The following GALNTL6 variants were observed in gnomAD, a reference collection of about 807,000 sequenced individuals.
The protein encoded by GALNTL6 is polypeptide N-acetylgalactosaminyltransferase-like 6.
A neutral mutation model predicts 73.7 loss-of-function variants in GALNTL6; 46 were observed. The ratio of observed to expected loss-of-function variants is 0.62; its 90% confidence interval spans 0.49 to 0.80. The LOEUF (loss-of-function observed/expected upper bound fraction) is 0.80. Among genes scored for constraint, GALNTL6 ranks in the 30% least tolerant of loss-of-function variants. The pLI is 0.00. For synonymous variants in GALNTL6, 259 were observed against 263.7 expected (o/e 0.98, Z 0.17); for missense variants, 604 against 755.0 (o/e 0.80, Z 2.34).
chr4:171,826,709 GTCT>G (rs1469744549), intron 2 of GALNTL6, among the ~76,000 whole-genome samples: 2 of 152,092 alleles, frequency 1.3e-5, no homozygotes, highest in Admixed American at 6.6e-5. Context: ...ACGGAAAACG[GTCT>G]TCTTCATCTG....
chr4:172,305,905 TGTAC>T (rs1740115959), intron 3 of GALNTL6, among the ~76,000 whole-genome samples: 3 of 152,190 alleles, frequency 2.0e-5, no homozygotes, highest in Non-Finnish European at 4.4e-5. Context: ...ACCAAATTGA[TGTAC>T]AAATAAAATA....
intron 5 of GALNTL6, among the ~76,000 whole-genome samples, chr4:172,421,072 A>G (rs912633179): frequency 6.6e-6 from 1 of 152,068 alleles, no homozygotes; most frequent in African/African-American, 2.4e-5. Flanking sequence ...TAAAACCTAG[A>G]TGATGGTTTG....
chr4:172,744,055 G>A (rs10016257), intron 5 of GALNTL6, among the ~76,000 whole-genome samples: 54,503 of 151,932 alleles, frequency 0.36, 10,822 homozygotes, highest in African/African-American at 0.52. Context: ...AGCCCTTCCT[G>A]TAATCATGAT....
chr4:172,546,519 C>T (rs990085715), intron 5 of GALNTL6, among the ~76,000 whole-genome samples: 2 of 150,918 alleles, frequency 1.3e-5, no homozygotes, highest in African/African-American at 4.9e-5. Context: ...ACTGCTATAC[C>T]TGCAAAAATC....
At chr4:172,110,687 G>A (rs1220191965) in intron 2 of GALNTL6, among the ~76,000 whole-genome samples, 1 of 152,078 alleles carries the variant, frequency 6.6e-6, no homozygotes, top group African/African-American at 2.4e-5. Flanking sequence ...TGCTTTCTAT[G>A]CCGAATTCCA....
At chr4:172,197,381 G>T (rs1735808295) in intron 2 of GALNTL6, among the ~76,000 whole-genome samples, 1 of 152,128 alleles carries the variant, frequency 6.6e-6, no homozygotes, top group East Asian at 1.9e-4. Context: ...GTAATTCATA[G>T]ATTCAATGCT....
intron 5 of GALNTL6, among the ~76,000 whole-genome samples, chr4:172,559,958 A>C (rs1424385912): frequency 6.6e-6 from 1 of 152,204 alleles, no homozygotes; most frequent in Non-Finnish European, 1.5e-5. Context: ...CAAACATGAT[A>C]AAATATAAGA....
chr4:172,217,206 A>G (rs1579266372), intron 2 of GALNTL6, among the ~76,000 whole-genome samples: 1 of 152,192 alleles, frequency 6.6e-6, no homozygotes. Context: ...AGCAATGTTA[A>G]TAGAGACTCT....
intron 10 of GALNTL6, among the ~76,000 whole-genome samples, chr4:172,963,180 A>C (rs140708517): frequency 6.6e-6 from 1 of 152,140 alleles, no homozygotes; most frequent in African/African-American, 2.4e-5. Context: ...GCACCTTTGC[A>C]TTTACTATTC....
intron 5 of GALNTL6, among the ~76,000 whole-genome samples, chr4:172,378,158 A>G (rs1011065721): frequency 6.6e-6 from 1 of 152,216 alleles, no homozygotes; most frequent in Admixed American, 6.5e-5. Context: ...GTTATCTGCT[A>G]TATGATATTC....
At chr4:172,088,869 T>A (rs1168946353) in intron 2 of GALNTL6, among the ~76,000 whole-genome samples, 1 of 152,162 alleles carries the variant, frequency 6.6e-6, no homozygotes. Flanking sequence ...TTAACCAAAT[T>A]TCTGAGTGAA....
intron 5 of GALNTL6, among the ~76,000 whole-genome samples, chr4:172,724,793 GAA>G (rs1735698017): frequency 6.6e-6 from 1 of 152,088 alleles, no homozygotes; most frequent in African/African-American, 2.4e-5. Context: ...AGAAACCTGA[GAA>G]AGAGAAAAAG....
At chr4:172,001,704 A>T (rs1505490) in intron 2 of GALNTL6, among the ~76,000 whole-genome samples, 111,604 of 151,956 alleles carry the variant, frequency 0.73, 41,787 homozygotes, top group Admixed American at 0.83. Flanking sequence ...CAAGCACTAT[A>T]TATGGGCATT....
chr4:172,087,457 AAC>A (rs1732080687), intron 2 of GALNTL6, among the ~76,000 whole-genome samples: 2 of 145,026 alleles, frequency 1.4e-5, no homozygotes, highest in African/African-American at 2.7e-5. Context: ...AAAAAAAAAA[AAC>A]AAAAAAAACA....
intron 3 of GALNTL6, among the ~76,000 whole-genome samples, chr4:172,310,719 A>G (rs543087120): frequency 6.6e-6 from 1 of 152,278 alleles, no homozygotes; most frequent in South Asian, 2.1e-4. Context: ...TAAAACTCTG[A>G]GTTTTTAAAT....
At chr4:172,086,696 T>C (rs939370844) in intron 2 of GALNTL6, among the ~76,000 whole-genome samples, 7 of 152,162 alleles carry the variant, frequency 4.6e-5, no homozygotes, top group Admixed American at 3.9e-4. Flanking sequence ...TTTCAAATAA[T>C]ATGCATTTAT....
At chr4:172,494,767 C>T (rs1306048241) in intron 5 of GALNTL6, among the ~76,000 whole-genome samples, 1 of 152,144 alleles carries the variant, frequency 6.6e-6, no homozygotes. Flanking sequence ...AGATGAAGGT[C>T]AGAAGACTCA....
rs187427877 is a variant in GALNTL6, at chr4:172,616,797, C to T, written c.554-192564C>T. ...CAGTTCTCCTGAAAACCAGGCACCA[C>T]GTCCCTCAGTGGGCTGAATCTTCAT... On this transcript the variant is annotated intron_variant, in intron 5 of 12. Transcript: ENST00000506823. 9.9e-5 allele frequency among the ~76,000 whole-genome samples: 15 copies of T among 152,154 alleles called. No homozygotes were observed. The East Asian group carries it at 2.1e-3, about 22-fold the overall frequency.
chr4:172,359,434 T>G (rs1428759900), intron 5 of GALNTL6, among the ~76,000 whole-genome samples: 1 of 152,116 alleles, frequency 6.6e-6, no homozygotes, highest in East Asian at 1.9e-4. Context: ...GATGAAATAA[T>G]CTGTACAACA....
Sources: gnomAD v4.1 joint callset for allele counts (sites outside exome capture counted in the v4.1 genomes callset) on GRCh38, gnomAD v4.1.1 for gene constraint, MANE v1.5 for transcripts, NCBI Gene and HGNC (gene_info 2026-07-23, HGNC 2026-07-21) for gene names.